TMLHE: variants seen among roughly 807,000 people sequenced by gnomAD.
The protein encoded by TMLHE is trimethyllysine hydroxylase, epsilon, also known as trimethyllysine dioxygenase, mitochondrial.
A neutral mutation model predicts 25.7 loss-of-function variants in TMLHE; 18 were observed. The ratio of observed to expected loss-of-function variants is 0.70; its 90% CI spans 0.48 to 1.04. The LOEUF (loss-of-function observed/expected upper bound fraction) is 1.04, where lower values mean the gene tolerates loss of function less well. Among genes scored for constraint, TMLHE ranks in the 50% least tolerant of loss-of-function variants. The probability of loss-of-function intolerance (pLI) is 0.00; values close to 1 mark genes in which losing one functional copy is unlikely to be tolerated. For synonymous variants in TMLHE, 105 were observed against 97.0 expected (o/e 1.08, Z -0.49); for missense variants, 236 against 259.0 (o/e 0.91, Z 0.61).
Position 155,524,524 on chromosome X carries a change from G to A in TMLHE, c.290C>T (p.Thr97Ile). Residue 97 changes from threonine (T) to isoleucine (I), a missense_variant, in exon 3 of 8, where the codon ACT becomes ATT. Thr to Ile is a moderately conservative substitution (Grantham distance 89). This residue lies in a region of TMLHE where 217 missense variants were observed against 214.6 expected (regional missense o/e 1.01). Coordinates refer to ENST00000334398, the MANE Select transcript of TMLHE (RefSeq NM_018196.4). The stretch of plus-strand genomic sequence containing the variant: ...CTTGATACATAAATCCACACTGGCA[G>A]TATCCAGGCTGCGCTGGTGAGTCTT... ...NSKTHQRSLDTASVDLCIKPK... is the reference protein window; with the variant it reads ...NSKTHQRSLDIASVDLCIKPK... The A allele has an allele frequency of 8.3e-7, 1 of 1,209,364 alleles. No individual in the cohort carries two copies. Among genetic ancestry groups the A allele is most frequent in the Non-Finnish European group, 1.1e-6 (1 of 894,320 alleles).
At chrX:155,548,652 T>G (rs1038966079) in intron 1 of TMLHE, among the ~76,000 whole-genome samples, 24 of 108,587 alleles carry the variant, frequency 2.2e-4, no homozygotes, top group Non-Finnish European at 4.2e-4. Flanking sequence ...GGAGAATCGC[T>G]TGAACCCAGG....
At chrX:155,524,172 G>A (rs2067205219) in intron 3 of TMLHE, 1 of 230,368 alleles carries the variant, frequency 4.3e-6, no homozygotes. Context: ...AAATAAGAGT[G>A]GTGAGAGTGG....
chrX:155,521,877 G>C (rs1305150547), intron 3 of TMLHE, among the ~76,000 whole-genome samples: 5 of 85,944 alleles, frequency 5.8e-5, no homozygotes, highest in Admixed American at 1.3e-4. Flanking sequence ...GCCCTGCTTC[G>C]GCTCGCGCAC....
At chrX:155,541,233 C>CT (rs2067309055) in intron 2 of TMLHE, among the ~76,000 whole-genome samples, 2 of 110,426 alleles carry the variant, frequency 1.8e-5, no homozygotes, top group Non-Finnish European at 3.8e-5. Flanking sequence ...GTGTGATGTT[C>CT]CCTTCCCTGT....
intron 1 of TMLHE, among the ~76,000 whole-genome samples, chrX:155,554,327 G>A (rs1159155542): frequency 9.0e-6 from 1 of 110,507 alleles, no homozygotes; most frequent in Non-Finnish European, 1.9e-5. Context: ...GGTTTTTGGT[G>A]ACAGGTTCCC....
At chrX:155,518,399 A>T (rs1184519456) in intron 3 of TMLHE, among the ~76,000 whole-genome samples, 1 of 94,565 alleles carries the variant, frequency 1.1e-5, no homozygotes, top group African/African-American at 3.9e-5. Flanking sequence ...AAGCTTTTTG[A>T]TGTGCTGCTG....
At chrX:155,569,071 A>T (rs2067530022) in intron 1 of TMLHE, among the ~76,000 whole-genome samples, 1 of 58,693 alleles carries the variant, frequency 1.7e-5, no homozygotes. Context: ...AAAGGCAAAG[A>T]AGTTAAAAAC....
intron 1 of TMLHE, among the ~76,000 whole-genome samples, chrX:155,560,094 G>A (rs2067484722): frequency 8.9e-6 from 1 of 111,911 alleles, no homozygotes; most frequent in Admixed American, 9.5e-5. Flanking sequence ...AGCTCCTTGA[G>A]GAGAGGCAAA....
In TMLHE at chrX:155,538,426, T is replaced by C. The variant is rs1421229724; in HGVS notation, c.181+6670A>G. Reference sequence around the variant, plus strand: ...TTAAAAACTGCACTGGCTAGTATCATTTTAAACTCATCATGAAAAATCTCA... The same window carrying C: ...TTAAAAACTGCACTGGCTAGTATCACTTTAAACTCATCATGAAAAATCTCA... On this transcript the variant is annotated intron_variant, in intron 2 of 7. Transcript: ENST00000334398. Among the ~76,000 whole-genome samples the C allele has an allele frequency of 2.0e-4, 22 of 111,723 alleles. No homozygotes were observed. In the Admixed American group the frequency reaches 2.1e-3, roughly 11 times the overall value.
At chrX:155,536,614 AAATT>A (rs1461745064) in intron 2 of TMLHE, among the ~76,000 whole-genome samples, 2 of 111,559 alleles carry the variant, frequency 1.8e-5, no homozygotes, top group East Asian at 5.6e-4. Context: ...ATCACAGGAG[AAATT>A]AATTAAAGGA....
intron 1 of TMLHE, among the ~76,000 whole-genome samples, chrX:155,582,738 T>C (rs1557344733): frequency 1.8e-5 from 2 of 112,078 alleles, no homozygotes; most frequent in Non-Finnish European, 3.8e-5. Flanking sequence ...TGTAAGCTAG[T>C]TCAACCATTG....
chrX:155,583,648 G>C (rs1429940879), intron 1 of TMLHE, among the ~76,000 whole-genome samples: 1 of 112,184 alleles, frequency 8.9e-6, no homozygotes, highest in Non-Finnish European at 1.9e-5. Context: ...TAATAAAATT[G>C]TCTTTTGCAG....
At chrX:155,510,694 G>C (rs1388929279) in intron 5 of TMLHE, among the ~76,000 whole-genome samples, 3 of 109,183 alleles carry the variant, frequency 2.7e-5, no homozygotes, top group African/African-American at 1.0e-4. Context: ...ATTGTGAATA[G>C]TGCCACAGTA....
rs886830600 is a variant in TMLHE at position 155,505,929 on chromosome X, A to G, written c.995+969T>C. Among the ~76,000 whole-genome samples, 7 of 111,646 alleles carry G rather than the reference A, an allele frequency of 6.3e-5. No homozygotes were observed. The Admixed American group carries it at 6.7e-4, about 11-fold the overall frequency. The stretch of plus-strand genomic sequence containing the variant: ...GAAGCAGGAGCGGTAATCCATCTGC[A>G]AAAATGCATAGTAAAAAGCTTGGCT... On this transcript the variant is annotated intron_variant, in intron 6 of 7. Transcript: ENST00000334398.
At chrX:155,587,275 T>C (rs782062916) in intron 1 of TMLHE, among the ~76,000 whole-genome samples, 1 of 112,103 alleles carries the variant, frequency 8.9e-6, no homozygotes, top group Non-Finnish European at 1.9e-5. Context: ...TATATGGTCA[T>C]CTTAATAGAT....
chrX:155,572,484 A>G lies in TMLHE; in HGVS notation c.-1-27207T>C, dbSNP rs1176562589. Among the ~76,000 whole-genome samples the G allele has an allele frequency of 1.2e-3, 69 of 56,740 alleles. 22 individuals are homozygous for G. Among genetic ancestry groups the G allele is most frequent in the Middle Eastern group, 0.015 (1 of 65 alleles). The allele number at this position is 56,740 out of a possible 115,157, so 49.3% of individuals were successfully genotyped here. ...TTTCTTCATAGAATTAGAAAAAACTACTTTAAAGTTCATATGGAACCAAAA... is the reference window on the plus strand; with the variant it reads ...TTTCTTCATAGAATTAGAAAAAACTGCTTTAAAGTTCATATGGAACCAAAA... On this transcript the variant is annotated intron_variant, in intron 1 of 7. Transcript: ENST00000334398.
chrX:155,595,087 G>A (rs1472137365), intron 1 of TMLHE, among the ~76,000 whole-genome samples: 1 of 111,783 alleles, frequency 8.9e-6, no homozygotes, highest in Non-Finnish European at 1.9e-5. Context: ...ATACAAATAT[G>A]TTATAAAAAG....
intron 1 of TMLHE, among the ~76,000 whole-genome samples, chrX:155,565,185 GA>G (rs1433414553): frequency 1.6e-5 from 1 of 62,251 alleles, no homozygotes; most frequent in African/African-American, 3.6e-5. Flanking sequence ...GCTGTGAGAG[GA>G]AAGGGAAGAC....
chrX:155,583,613 T>C (rs1342645448), intron 1 of TMLHE, among the ~76,000 whole-genome samples: 1 of 111,860 alleles, frequency 8.9e-6, no homozygotes, highest in Non-Finnish European at 1.9e-5. Flanking sequence ...ATATGCAAAA[T>C]GGAATACTAT....
Sources: allele counts gnomAD v4.1 joint callset (sites outside exome capture counted in the v4.1 genomes callset), GRCh38; gene constraint gnomAD v4.1.1; regional missense constraint gnomAD v4.1.1; transcripts MANE v1.5; gene names NCBI Gene and HGNC (gene_info 2026-07-23, HGNC 2026-07-21).